Variants in FRY observed in about 807,000 individuals in gnomAD.
The protein encoded by FRY is protein furry homolog.
FRY carries 128 observed loss-of-function variants against 348.4 expected under a neutral mutation model. The ratio of observed to expected loss-of-function variants is 0.37; its 90% CI spans 0.32 to 0.43. The LOEUF is 0.43. Among genes scored for constraint, FRY ranks in the 20% least tolerant of loss-of-function variants. The pLI, the probability that FRY is intolerant of heterozygous loss-of-function variation, is 1.00. For missense variants in FRY, 2,736 were observed against 3,695.2 expected, an observed-to-expected ratio of 0.74 and a Z score of 6.73; for synonymous variants, 1,370 against 1,374.7, an observed-to-expected ratio of 1.00 and a Z score of 0.08.
At chr13:32,153,712 A>T (rs1253989350) in intron 14 of FRY, among the ~76,000 whole-genome samples, 1 of 152,180 alleles carries the variant, frequency 6.6e-6, no homozygotes, top group Non-Finnish European at 1.5e-5. Flanking sequence ...TTTTTAAAAA[A>T]ATAGAGTGGG....
At chr13:32,092,761 G>A (rs1410813913) in intron 2 of FRY, among the ~76,000 whole-genome samples, 2 of 152,160 alleles carry the variant, frequency 1.3e-5, no homozygotes, top group African/African-American at 2.4e-5. Context: ...CACGCAGCAG[G>A]TGAGGTATCT....
At chr13:32,172,985 C>T (rs916732) in intron 18 of FRY, among the ~76,000 whole-genome samples, 78,721 of 152,060 alleles carry the variant, frequency 0.52, 20,821 homozygotes, top group African/African-American at 0.62. Context: ...TTTGAAAATT[C>T]GATTCAATAG....
chr13:32,064,406 T>A (rs1593573842), intron 1 of FRY, among the ~76,000 whole-genome samples: 1 of 150,234 alleles, frequency 6.7e-6, no homozygotes, highest in Admixed American at 6.6e-5. Context: ...CACAGATATG[T>A]CCCCCCTGCA....
intron 2 of FRY, among the ~76,000 whole-genome samples, chr13:32,100,172 T>C (rs1877060460): frequency 6.6e-6 from 1 of 150,908 alleles, no homozygotes; most frequent in Non-Finnish European, 1.5e-5. Context: ...TGGAGCAATC[T>C]TGGGTTCAAG....
chr13:32,223,303 T>A (rs1201942706), intron 36 of FRY, among the ~76,000 whole-genome samples: 1 of 152,146 alleles, frequency 6.6e-6, no homozygotes, highest in African/African-American at 2.4e-5. Flanking sequence ...GAAAAGCAAA[T>A]TTTCATAGAG....
At chr13:32,197,657 T>G (rs544221393) in intron 29 of FRY, among the ~76,000 whole-genome samples, 4 of 152,352 alleles carry the variant, frequency 2.6e-5, no homozygotes, top group African/African-American at 9.6e-5. Context: ...TAACAAATGG[T>G]AAATACCCCA....
intron 28 of FRY, among the ~76,000 whole-genome samples, chr13:32,192,411 C>T (rs1181032397): frequency 6.6e-6 from 1 of 152,132 alleles, no homozygotes; most frequent in African/African-American, 2.4e-5. Flanking sequence ...CTCCCGGGTT[C>T]ATGCCATTCT....
intron 7 of FRY, among the ~76,000 whole-genome samples, chr13:32,131,063 G>T (rs111514488): frequency 3.9e-5 from 6 of 152,052 alleles, no homozygotes; most frequent in Non-Finnish European, 7.4e-5. Flanking sequence ...TGATCTGCCC[G>T]CATCGGCCTC....
intron 7 of FRY, among the ~76,000 whole-genome samples, chr13:32,129,485 ATAAAG>A (rs1215919487): frequency 1.3e-5 from 2 of 152,232 alleles, no homozygotes; most frequent in African/African-American, 4.8e-5. Context: ...AATTTTACTT[ATAAAG>A]TAAACACAGC....
In FRY at chr13:32,252,873, C is replaced by T. The variant is rs76337190; in HGVS notation, c.7245+921C>T. 3.2e-4 allele frequency among the ~76,000 whole-genome samples: 48 copies of T among 152,124 alleles called. No individual in the cohort carries two copies. The East Asian group carries it at 7.6e-3, about 24-fold the overall frequency. ...AAGTCACTTTTTTGGTGTTATTGAT[C>T]AGTGGGTTTTCTGCGGCTCCTGTGA... On this transcript the variant is annotated intron_variant, in intron 50 of 60. Coordinates refer to ENST00000542859, the MANE Select transcript of FRY (RefSeq NM_023037.3).
At position 32,295,519 on chromosome 13, in the gene FRY, G is replaced by GTCAT. The variant is rs2072046928; in HGVS notation, c.*63_*66dup. The GTCAT allele has an allele frequency of 6.7e-7, 1 of 1,486,944 alleles. No individual in the cohort carries two copies. Among genetic ancestry groups the GTCAT allele is most frequent in the Admixed American group, 1.7e-5 (1 of 59,830 alleles). 92.1% of individuals were successfully genotyped at this position (1,486,944 alleles called of 1,614,324 possible). A position where few individuals can be genotyped will look rare whatever the true frequency, so the allele number is the denominator to read the frequency against. On this transcript the variant is annotated 3_prime_UTR_variant, in exon 61 of 61. Coordinates refer to ENST00000542859, the MANE Select transcript of FRY (RefSeq NM_023037.3). ...GGCAGTGCTGCCATGCTGGGGCAAC[G>GTCAT]TCATTCAGTGTCTTCTCGGCCTTCA...
chr13:32,097,842 A>C (rs1876850492), intron 2 of FRY, among the ~76,000 whole-genome samples: 1 of 152,052 alleles, frequency 6.6e-6, no homozygotes, highest in Non-Finnish European at 1.5e-5. Flanking sequence ...ATAGATAATG[A>C]TAATGTTTGA....
intron 4 of FRY, 127 bp downstream of exon 4, chr13:32,117,600 C>A: frequency 1.1e-6 from 1 of 928,982 alleles, no homozygotes; most frequent in Non-Finnish European, 1.7e-6. Context: ...GCAGGTGCTG[C>A]AGGGGCCCTG....
Position 32,228,533 on chromosome 13 carries a change from A to G in FRY, c.5284A>G (p.Ser1762Gly). The stretch of plus-strand genomic sequence containing the variant: ...GCTTAGTTCAAGCTCCACCTCCTCT[A>G]GCATCAGTCTGGGAGGCAGCAGTGG... The part of the protein sequence containing the change: ...SGLSSSSTSS[S>G]ISLGGSSGNL... The change falls in exon 40 of 61, where the codon AGC becomes GGC. Residue 1762 changes from serine to glycine, a missense_variant. Physicochemically the swap from Ser to Gly is moderately conservative, Grantham distance 56. This residue lies in a region of FRY where 794 missense variants were observed against 977.0 expected (regional missense o/e 0.81). Coordinates refer to ENST00000542859, the MANE Select transcript of FRY (RefSeq NM_023037.3). 2 of 1,613,876 alleles carry G rather than the reference A, an allele frequency of 1.2e-6. No individual in the cohort carries two copies. The highest frequency in any genetic ancestry group is 8.5e-7 in the Non-Finnish European group (1 of 1,179,858).
intron 60 of FRY, 85 bp downstream of exon 60, chr13:32,294,655 C>T (rs1171426219): frequency 2.2e-5 from 22 of 1,004,228 alleles, no homozygotes; most frequent in Admixed American, 7.2e-5. Context: ...TAGCCCACTA[C>T]GGAAGGCTAG....
chr13:32,141,046 T>G (rs1163652413), intron 11 of FRY, among the ~76,000 whole-genome samples: 1 of 152,210 alleles, frequency 6.6e-6, no homozygotes, highest in African/African-American at 2.4e-5. Context: ...TTACTATTAA[T>G]CTCATTTCTA....
chr13:32,127,920 T>G (rs930957610), intron 7 of FRY, among the ~76,000 whole-genome samples: 7 of 152,252 alleles, frequency 4.6e-5, no homozygotes, highest in Non-Finnish European at 7.3e-5. Flanking sequence ...TAGTCATGGA[T>G]TCAAACTGGA....
intron 17 of FRY, among the ~76,000 whole-genome samples, chr13:32,163,135 AGGAG>A (rs771684920): frequency 3.3e-5 from 5 of 152,192 alleles, no homozygotes; most frequent in Non-Finnish European, 5.9e-5. Flanking sequence ...GAAAACATAA[AGGAG>A]AGCCTGTCAG....
intron 23 of FRY, among the ~76,000 whole-genome samples, chr13:32,181,316 C>T (rs1047638939): frequency 3.3e-5 from 5 of 151,550 alleles, no homozygotes; most frequent in Admixed American, 2.0e-4. Flanking sequence ...AGGAGATGGA[C>T]GGGTGCAGTG....
Sources: allele counts gnomAD v4.1 joint callset (sites outside exome capture counted in the v4.1 genomes callset), GRCh38; gene constraint gnomAD v4.1.1; regional missense constraint gnomAD v4.1.1; transcripts MANE v1.5; gene names NCBI Gene and HGNC (gene_info 2026-07-23, HGNC 2026-07-21).